DAB1: variants seen among roughly 807,000 people sequenced by gnomAD.
DAB1 encodes the protein DAB adaptor protein 1, also known as disabled homolog 1.
A neutral mutation model predicts 64.6 loss-of-function variants in DAB1; 15 were observed. The ratio of observed to expected loss-of-function variants is 0.23; its 90% CI spans 0.16 to 0.36. The LOEUF (loss-of-function observed/expected upper bound fraction) is 0.36, where lower values mean the gene tolerates loss of function less well. Ranked by LOEUF, DAB1 falls within the 10% of genes least tolerant of loss-of-function variation. The pLI, the probability that DAB1 is intolerant of heterozygous loss-of-function variation, is 1.00. For missense variants in DAB1, 596 were observed against 706.7 expected (o/e 0.84, Z 1.78); for synonymous variants, 235 against 251.9 (o/e 0.93, Z 0.64).
intron 7 of DAB1, among the ~76,000 whole-genome samples, chr1:57,612,524 G>C (rs910264165): frequency 6.6e-6 from 1 of 152,066 alleles, no homozygotes; most frequent in Non-Finnish European, 1.5e-5. Flanking sequence ...GAGAAAAGAT[G>C]CTATGCTGCT....
At chr1:57,706,517 C>T (rs1646968439) in intron 6 of DAB1, among the ~76,000 whole-genome samples, 1 of 151,962 alleles carries the variant, frequency 6.6e-6, no homozygotes, top group South Asian at 2.1e-4. Context: ...TGGGTTTTTG[C>T]CATGTTTCTT....
chr1:58,365,422 C>T (rs1644207561), intron 3 of DAB1, among the ~76,000 whole-genome samples: 1 of 152,178 alleles, frequency 6.6e-6, no homozygotes, highest in Non-Finnish European at 1.5e-5. Context: ...ACTTCAGATG[C>T]AAAGAGCCAC....
At chr1:57,712,192 G>T (rs1647036445) in intron 6 of DAB1, among the ~76,000 whole-genome samples, 1 of 152,100 alleles carries the variant, frequency 6.6e-6, no homozygotes. Flanking sequence ...TAGAAACACG[G>T]TTCTGCTTAG....
chr1:58,401,436 T>C (rs1203282716), intron 3 of DAB1, among the ~76,000 whole-genome samples: 2 of 152,082 alleles, frequency 1.3e-5, no homozygotes, highest in Non-Finnish European at 1.5e-5. Context: ...GACCCACCCA[T>C]CACCTTCCTC....
intron 7 of DAB1, among the ~76,000 whole-genome samples, chr1:57,567,365 A>G (rs1282286028): frequency 1.3e-5 from 2 of 152,178 alleles, no homozygotes; most frequent in Non-Finnish European, 2.9e-5. Context: ...GAAAACTGGC[A>G]CAAGACAGGG....
intron 3 of DAB1, among the ~76,000 whole-genome samples, chr1:58,423,775 G>A (rs528487368): frequency 6.6e-6 from 1 of 152,318 alleles, no homozygotes; most frequent in East Asian, 1.9e-4. Context: ...TTTGCTGCAA[G>A]GCACAGGGGA....
chr1:58,492,166 T>TG, intron 3 of DAB1, among the ~76,000 whole-genome samples: 1 of 152,146 alleles, frequency 6.6e-6, no homozygotes, highest in East Asian at 1.9e-4. Context: ...GAATGACTAC[T>TG]GGGTACATAA....
At chr1:57,825,946 T>A (rs1009701742), downstream of DAB1, 1 of 152,170 alleles carries the variant, frequency 6.6e-6, no homozygotes. Context: ...CTCATCTGCA[T>A]CAGCATGTTG....
At chr1:58,087,306 G>C (rs1396715560) in intron 5 of DAB1, among the ~76,000 whole-genome samples, 2 of 152,118 alleles carry the variant, frequency 1.3e-5, no homozygotes, top group Non-Finnish European at 2.9e-5. Flanking sequence ...CCCTCTGAAA[G>C]GCAATTAACT....
intron 7 of DAB1, among the ~76,000 whole-genome samples, chr1:57,622,087 AAAAC>A (rs749103613): frequency 1.3e-5 from 2 of 152,210 alleles, no homozygotes; most frequent in African/African-American, 2.4e-5. Context: ...ACATACAACA[AAAAC>A]AAACAAACAG....
chr1:57,482,476 G>GAA (rs1644034190), intron 7 of DAB1, among the ~76,000 whole-genome samples: 1 of 58,622 alleles, frequency 1.7e-5, no homozygotes, highest in Admixed American at 2.3e-4. Context: ...GCTGAAAGTT[G>GAA]TAAAAAAAAA....
At chr1:58,218,907 G>T (rs1658996291) in intron 4 of DAB1, among the ~76,000 whole-genome samples, 1 of 149,786 alleles carries the variant, frequency 6.7e-6, no homozygotes, top group South Asian at 2.1e-4. Context: ...ATTGTGGGTG[G>T]TTTTTAAAAA....
intron 5 of DAB1, among the ~76,000 whole-genome samples, chr1:58,074,071 A>G (rs1649443095): frequency 6.6e-6 from 1 of 152,200 alleles, no homozygotes; most frequent in African/African-American, 2.4e-5. Flanking sequence ...CTTCTCAAAT[A>G]CATGAGCCGG....
At chr1:57,846,028 CAT>C (rs1653264100) in intron 1 of DAB1, among the ~76,000 whole-genome samples, 1 of 152,190 alleles carries the variant, frequency 6.6e-6, no homozygotes, top group Non-Finnish European at 1.5e-5. Context: ...TTGTGGATCA[CAT>C]GACTGCCACT....
At chr1:57,214,680 G>A (rs549508675) in intron 2 of DAB1, among the ~76,000 whole-genome samples, 94 of 152,136 alleles carry the variant, frequency 6.2e-4, no homozygotes, top group African/African-American at 2.1e-3. Flanking sequence ...GGAGGCCAAG[G>A]TGGGTGGATC....
intron 5 of DAB1, among the ~76,000 whole-genome samples, chr1:58,078,425 T>C (rs1649785433): frequency 6.6e-6 from 1 of 152,174 alleles, no homozygotes; most frequent in Non-Finnish European, 1.5e-5. Flanking sequence ...TTAATATATA[T>C]GTAAATTGAT....
rs543670059 is a variant in DAB1, at chr1:57,588,962, G to A, written n.625+60630C>T. ...TAAAAATACATATGTTTGGCTGGGC[G>A]CGGTGGCTCACGCCTGTAATCCCAG... On this transcript the variant is annotated intron_variant and non_coding_transcript_variant, in intron 7 of 20. Transcript: ENST00000485760. Among the ~76,000 whole-genome samples the A allele has an allele frequency of 8.0e-4, 122 of 151,898 alleles. 1 individual carries two copies. In the South Asian group the frequency reaches 0.016, roughly 20 times the overall value.
intron 4 of DAB1, among the ~76,000 whole-genome samples, chr1:58,310,117 A>C (rs979391758): frequency 6.6e-6 from 1 of 152,150 alleles, no homozygotes; most frequent in Non-Finnish European, 1.5e-5. Flanking sequence ...ACATACACAC[A>C]CATGCCCTAA....
intron 7 of DAB1, among the ~76,000 whole-genome samples, chr1:57,481,402 C>T (rs1644017372): frequency 6.6e-6 from 1 of 152,172 alleles, no homozygotes. Flanking sequence ...TTTGTTTACT[C>T]CAAGAATTTT....
Sources: allele counts gnomAD v4.1 joint callset (sites outside exome capture counted in the v4.1 genomes callset), GRCh38; gene constraint gnomAD v4.1.1; transcripts MANE v1.5; gene names NCBI Gene and HGNC (gene_info 2026-07-23, HGNC 2026-07-21).